Variants in TMBIM1 observed in about 807,000 individuals in gnomAD.
The protein encoded by TMBIM1 is transmembrane BAX inhibitor motif containing 1.
Under a neutral mutation model 45.1 loss-of-function variants are expected in TMBIM1, and 34 were observed. The ratio of observed to expected loss-of-function variants is 0.75; its 90% CI spans 0.57 to 1.00. The LOEUF is 1.00. Ranked by LOEUF, TMBIM1 falls within the 50% of genes least tolerant of loss-of-function variation. The pLI is 0.00. For missense variants in TMBIM1, 374 were observed against 402.4 expected (o/e 0.93, Z 0.60); for synonymous variants, 157 against 153.5 (o/e 1.02, Z -0.17).
At chr2:218,291,698 C>A (rs1174892205) in intron 1 of TMBIM1, among the ~76,000 whole-genome samples, 1 of 152,188 alleles carries the variant, frequency 6.6e-6, no homozygotes, top group Non-Finnish European at 1.5e-5. Flanking sequence ...CCACTGGTCC[C>A]TGGCTCCTGC....
At chr2:218,283,636 A>C (rs1488287376) in intron 1 of TMBIM1, among the ~76,000 whole-genome samples, 1 of 152,218 alleles carries the variant, frequency 6.6e-6, no homozygotes, top group Non-Finnish European at 1.5e-5. Context: ...TGGAAGCAAG[A>C]GAGACCAGCG....
At chr2:218,277,177 C>T in intron 9 of TMBIM1, 78 bp from the exon 10 acceptor site, 1 of 1,291,348 alleles carries the variant, frequency 7.7e-7, no homozygotes, top group Non-Finnish European at 1.1e-6. Context: ...GCCAGGGAGT[C>T]CCAGTGCTGC....
At position 218,275,429 on chromosome 2, in the gene TMBIM1, CT is replaced by C; in HGVS notation, c.*45del. 3 of 1,587,440 alleles carry C rather than the reference CT, an allele frequency of 1.9e-6. No homozygotes were observed. The highest frequency in any genetic ancestry group is 1.7e-6 in the Non-Finnish European group (2 of 1,167,012). On this transcript the variant is annotated 3_prime_UTR_variant, in exon 12 of 12. Transcript: ENST00000258412. ...ACAGTCATAGGGCCCAGCCCTCTAG[CT>C]TGGAAGGGAGAGCCCAGGATCGGGT...
intron 1 of TMBIM1, among the ~76,000 whole-genome samples, chr2:218,287,935 G>A (rs939652946): frequency 2.0e-5 from 3 of 152,198 alleles, no homozygotes; most frequent in African/African-American, 7.2e-5. Flanking sequence ...TGGTAATCTC[G>A]GGTTACCCCA....
Position 218,280,143 on chromosome 2 carries a change from C to G in TMBIM1, c.203-17G>C, listed in dbSNP as rs754221222. On this transcript the variant is annotated splice_polypyrimidine_tract_variant and intron_variant, in intron 2 of 11. Transcript: ENST00000258412. ...GGCCTGGGCCTAGGGACAGATGACA[C>G]TTGACTCAGCTGGGGACCTGAGACA... The G allele has an allele frequency of 6.3e-7, 1 of 1,585,878 alleles. No homozygotes were observed. Among genetic ancestry groups the G allele is most frequent in the Non-Finnish European group, 8.7e-7 (1 of 1,154,178 alleles).
At chr2:218,279,933 A>T in intron 3 of TMBIM1, 93 bp downstream of exon 3, 1 of 913,968 alleles carries the variant, frequency 1.1e-6, no homozygotes, top group Non-Finnish European at 1.8e-6. Context: ...TATTTCATGG[A>T]ATTGATGCCC....
intron 9 of TMBIM1, 126 bp downstream of exon 9, chr2:218,277,240 C>G: frequency 3.4e-6 from 4 of 1,169,600 alleles, no homozygotes; most frequent in Non-Finnish European, 5.1e-6. Context: ...AAACAGGACA[C>G]AGTTTTGTAG....
intron 5 of TMBIM1, 140 bp downstream of exon 5, chr2:218,278,898 C>T: frequency 2.1e-6 from 2 of 954,950 alleles, no homozygotes; most frequent in Non-Finnish European, 3.2e-6. Flanking sequence ...ACACCCACAC[C>T]CTCTGGCACG....
chr2:218,288,322 G>A (rs1013603965), intron 1 of TMBIM1, among the ~76,000 whole-genome samples: 3 of 152,168 alleles, frequency 2.0e-5, no homozygotes, highest in Non-Finnish European at 2.9e-5. Context: ...CCAGCTACTC[G>A]GGAGGCTGAG....
Position 218,275,413 on chromosome 2 carries a change from G to A in TMBIM1, c.*62C>T. 1 of 1,557,346 alleles carries A rather than the reference G, an allele frequency of 6.4e-7. No individual in the cohort carries two copies. Among genetic ancestry groups the A allele is most frequent in the Non-Finnish European group, 8.7e-7 (1 of 1,154,742 alleles). ...GCCTAAAGCCCAGACCACAGTCATAGGGCCCAGCCCTCTAGCTTGGAAGGG... is the reference window on the plus strand; with the variant it reads ...GCCTAAAGCCCAGACCACAGTCATAAGGCCCAGCCCTCTAGCTTGGAAGGG... On this transcript the variant is annotated 3_prime_UTR_variant, in exon 12 of 12. Coordinates refer to ENST00000258412, the MANE Select transcript of TMBIM1 (RefSeq NM_022152.6).
At position 218,274,228 on chromosome 2, in the gene TMBIM1, T is replaced by C. The variant is rs539097463; in HGVS notation, c.*1247A>G. The C allele has an allele frequency of 9.0e-4, 140 of 155,066 alleles. 1 individual carries two copies. The highest frequency in any genetic ancestry group is 2.2e-4 in the Non-Finnish European group (15 of 68,220). 9.6% of individuals were successfully genotyped at this position (155,066 alleles called of 1,614,324 possible). A position where few individuals can be genotyped will look rare whatever the true frequency, so the allele number is the denominator to read the frequency against. Reference sequence around the variant, plus strand: ...CTTCTAGACATAAACTTTATTACATTTATAGTTGTATCCCTTTGTGTGATA... The same window carrying C: ...CTTCTAGACATAAACTTTATTACATCTATAGTTGTATCCCTTTGTGTGATA... On this transcript the variant is annotated 3_prime_UTR_variant, in exon 12 of 12. Coordinates refer to ENST00000258412, the MANE Select transcript of TMBIM1 (RefSeq NM_022152.6).
chr2:218,276,756 C>G (rs934586007), intron 10 of TMBIM1, among the ~76,000 whole-genome samples: 1 of 152,176 alleles, frequency 6.6e-6, no homozygotes, highest in Non-Finnish European at 1.5e-5. Context: ...CCACCCCTTC[C>G]CCTAGGAGTG....
chr2:218,277,310 G>C, intron 9 of TMBIM1, 56 bp downstream of exon 9: 1 of 1,526,770 alleles, frequency 6.5e-7, no homozygotes, highest in Admixed American at 1.7e-5. Context: ...GCCGGGGTCC[G>C]GGCCTGATAA....
In TMBIM1 at chr2:218,282,165, A is replaced by T. The variant is rs199648949; in HGVS notation, c.-24T>A. Reference sequence around the variant, plus strand: ...ATGGCTGCTCACGGGCTGAGGGGGAACCCCAGCTGCTGGGACCTGAAATGG... The same window carrying T: ...ATGGCTGCTCACGGGCTGAGGGGGATCCCCAGCTGCTGGGACCTGAAATGG... On this transcript the variant is annotated 5_prime_UTR_variant, in exon 2 of 12. Transcript: ENST00000258412. The T allele has an allele frequency of 2.8e-6, 4 of 1,447,932 alleles. No individual in the cohort carries two copies. The highest frequency in any genetic ancestry group is 5.3e-5 in the East Asian group (2 of 38,038). 89.7% of individuals were successfully genotyped at this position (1,447,932 alleles called of 1,614,324 possible).
At chr2:218,277,258 TGAG>T (rs1415643263) in intron 9 of TMBIM1, 105 bp downstream of exon 9, 10 of 1,187,218 alleles carry the variant, frequency 8.4e-6, no homozygotes, top group Admixed American at 1.7e-5. Context: ...TAGGTGCGGA[TGAG>T]GAGAAGGGGA....
At chr2:218,285,056 C>T (rs1037475015) in intron 1 of TMBIM1, among the ~76,000 whole-genome samples, 1 of 152,198 alleles carries the variant, frequency 6.6e-6, no homozygotes, top group East Asian at 1.9e-4. Context: ...TGCCACTGCA[C>T]TCCAGCCTGG....
intron 1 of TMBIM1, among the ~76,000 whole-genome samples, chr2:218,283,505 G>GCAGT (rs1320206473): frequency 6.6e-6 from 1 of 152,158 alleles, no homozygotes; most frequent in Non-Finnish European, 1.5e-5. Context: ...ACAAGCCCTG[G>GCAGT]CAGTCTGGGC....
intron 2 of TMBIM1, among the ~76,000 whole-genome samples, chr2:218,281,705 G>A (rs1444430981): frequency 1.3e-5 from 2 of 152,176 alleles, no homozygotes; most frequent in Non-Finnish European, 2.9e-5. Flanking sequence ...TGTACGTTCT[G>A]GGACATGCCT....
At chr2:218,286,784 G>A (rs1183048378) in intron 1 of TMBIM1, 2 of 152,274 alleles carry the variant, frequency 1.3e-5, no homozygotes, top group East Asian at 1.9e-4. Flanking sequence ...GTGTACTGGA[G>A]GGAGGGATGG....
Sources: gnomAD v4.1 joint callset for allele counts (sites outside exome capture counted in the v4.1 genomes callset) on GRCh38, gnomAD v4.1.1 for gene constraint, MANE v1.5 for transcripts, NCBI Gene and HGNC (gene_info 2026-07-23, HGNC 2026-07-21) for gene names.